Variants in STX5 observed in about 807,000 individuals in gnomAD.
STX5 encodes the protein syntaxin 5, also known as syntaxin-5.
In STX5, 15 loss-of-function variants were observed where a neutral mutation model predicts 42.9. The ratio of observed to expected loss-of-function variants is 0.35; its 90% CI spans 0.23 to 0.54. The LOEUF (loss-of-function observed/expected upper bound fraction) is 0.54, where lower values mean the gene tolerates loss of function less well. Among genes scored for constraint, STX5 ranks in the 20% least tolerant of loss-of-function variants. STX5 has a pLI of 0.91. For missense variants in STX5, 430 were observed against 455.0 expected, an observed-to-expected ratio of 0.95 and a Z score of 0.50; for synonymous variants, 184 against 173.2, an observed-to-expected ratio of 1.06 and a Z score of -0.49.
At chr11:62,822,139 G>A (rs1374699160) in intron 10 of STX5, among the ~76,000 whole-genome samples, 1 of 152,206 alleles carries the variant, frequency 6.6e-6, no homozygotes, top group Non-Finnish European at 1.5e-5. Context: ...AAGGTGGACA[G>A]GTTACTGGAG....
chr11:62,831,005 C>T lies in STX5; in HGVS notation c.225+14G>A. 2 of 1,548,418 alleles carry T rather than the reference C, an allele frequency of 1.3e-6. No homozygotes were observed. The highest frequency in any genetic ancestry group is 1.7e-6 in the Non-Finnish European group (2 of 1,145,706). ...TAAGGCTCACTCCTCGCCTTTTCCA[C>T]TCCAGGTCCTTACCTGACGGGTCTG... On this transcript the variant is annotated intron_variant, in intron 2 of 10. Coordinates refer to ENST00000294179, the MANE Select transcript of STX5 (RefSeq NM_003164.5).
chr11:62,811,372 GCTT>G (rs1030522340), intron 10 of STX5, among the ~76,000 whole-genome samples: 5 of 152,224 alleles, frequency 3.3e-5, no homozygotes, highest in Non-Finnish European at 7.4e-5. Context: ...CAATCCGCTT[GCTT>G]CTTCTTATGT....
chr11:62,818,245 C>A (rs1384193810), intron 10 of STX5, among the ~76,000 whole-genome samples: 1,188 of 74,292 alleles, frequency 0.016, no homozygotes, highest in African/African-American at 0.031. Context: ...AACTCCATCT[C>A]AAAAAAAAAA....
chr11:62,825,916 G>A (rs1328648991), intron 5 of STX5, among the ~76,000 whole-genome samples: 1 of 152,194 alleles, frequency 6.6e-6, no homozygotes, highest in Non-Finnish European at 1.5e-5. Flanking sequence ...TCAGGAAAAG[G>A]GAAGAGTCAA....
intron 5 of STX5, among the ~76,000 whole-genome samples, chr11:62,826,548 ACT>A (rs944890729): frequency 2.0e-5 from 3 of 151,038 alleles, no homozygotes; most frequent in Non-Finnish European, 4.4e-5. Context: ...CAAGAGTGAA[ACT>A]CTGTCTCAAA....
intron 10 of STX5, 133 bp from the exon 11 acceptor site, chr11:62,807,761 G>A (rs954328550): frequency 1.4e-6 from 2 of 1,444,902 alleles, no homozygotes; most frequent in Non-Finnish European, 9.2e-7. Context: ...GTATAGAAAA[G>A]GCTTTGGAAG....
At chr11:62,822,051 A>C (rs573154986) in intron 10 of STX5, among the ~76,000 whole-genome samples, 2 of 151,798 alleles carry the variant, frequency 1.3e-5, no homozygotes, top group Admixed American at 1.3e-4. Context: ...AAATAAATAC[A>C]TGCATAAATA....
chr11:62,831,240 T>C lies in STX5; in HGVS notation c.4A>G (p.Ile2Val). The stretch of plus-strand genomic sequence containing the variant: ...TTAGACCCGTAGCGTTTCCGCGGGA[T>C]CATTGAGACGCATAACCTCGGACTG... Reference protein sequence around the residue: MIPRKRYGSKNT... With the variant: MVPRKRYGSKNT... The change falls in exon 2 of 11, where the codon ATC (isoleucine) becomes GTC (valine). Residue 2 changes from isoleucine (I) to valine (V), a missense_variant. By Grantham distance (29) the Ile-to-Val change is conservative. Coordinates refer to ENST00000294179, the MANE Select transcript of STX5 (RefSeq NM_003164.5). 1 of 1,559,424 alleles carries C rather than the reference T, an allele frequency of 6.4e-7. No homozygotes were observed. The highest frequency in any genetic ancestry group is 1.2e-5 in the South Asian group (1 of 84,772).
At chr11:62,815,593 G>C (rs2084665109) in intron 10 of STX5, among the ~76,000 whole-genome samples, 1 of 150,732 alleles carries the variant, frequency 6.6e-6, no homozygotes, top group East Asian at 2.0e-4. Flanking sequence ...CTGGAGTGCA[G>C]TGGCACAATC....
intron 8 of STX5, 150 bp downstream of exon 8, chr11:62,824,886 T>C: frequency 1.4e-6 from 1 of 716,018 alleles, no homozygotes; most frequent in Non-Finnish European, 2.3e-6. Flanking sequence ...ATCACGAATC[T>C]CAACCATCTG....
intron 10 of STX5, chr11:62,823,907 A>G (rs1590972287): frequency 4.1e-6 from 2 of 488,600 alleles, no homozygotes; most frequent in East Asian, 7.8e-5. Context: ...CCATACACTT[A>G]CACATGCTAC....
chr11:62,827,176 C>T lies in STX5; in HGVS notation c.402G>A (p.Glu134=). Residue 134 remains glutamate, a synonymous_variant, in exon 5 of 11, where the codon GAG becomes GAA. Transcript: ENST00000294179. The stretch of plus-strand genomic sequence containing the variant: ...TCACCTGTTTGATGATATATGTTAG[C>T]TCTTCAATTTCCACTGCTTTATCAT... ...LFDDKAVEIE[E]LTYIIKQDIN... 3.7e-6 allele frequency: 6 copies of T among 1,614,176 alleles called. No individual in the cohort carries two copies. The highest frequency in any genetic ancestry group is 5.1e-6 in the Non-Finnish European group (6 of 1,180,036).
At chr11:62,821,741 A>G (rs1340053584) in intron 10 of STX5, among the ~76,000 whole-genome samples, 1 of 151,604 alleles carries the variant, frequency 6.6e-6, no homozygotes, top group Non-Finnish European at 1.5e-5. Flanking sequence ...TAAAAATAAA[A>G]TTAACACCGG....
At chr11:62,830,356 A>G in intron 2 of STX5, 1 of 339,940 alleles carries the variant, frequency 2.9e-6, no homozygotes, top group Non-Finnish European at 5.9e-6. Flanking sequence ...GTCCAGACCA[A>G]CCTGGGCAAC....
chr11:62,831,369 C>T (rs2084860664), intron 1 of STX5, 107 bp from the exon 2 acceptor site: 14 of 849,692 alleles, frequency 1.6e-5, no homozygotes, highest in Non-Finnish European at 2.7e-5. Flanking sequence ...TTCTCGTGGA[C>T]TTTCGCGCCC....
In STX5 at chr11:62,827,393, A is replaced by G. The variant is rs2084807965; in HGVS notation, c.302T>C (p.Ile101Thr). 3 of 1,614,090 alleles carry G rather than the reference A, an allele frequency of 1.9e-6. No individual in the cohort carries two copies. Among genetic ancestry groups the G allele is most frequent in the African/African-American group, 1.3e-5 (1 of 74,926 alleles). The change falls in exon 4 of 11, where the codon ATT (isoleucine) becomes ACT (threonine). Residue 101 changes from isoleucine to threonine, a missense_variant. Ile to Thr is a moderately conservative substitution (Grantham distance 89). Coordinates refer to ENST00000294179, the MANE Select transcript of STX5 (RefSeq NM_003164.5). ...RSEFTLMAKRIGKDLSNTFAK... is the reference protein window; with the variant it reads ...RSEFTLMAKRTGKDLSNTFAK... The stretch of plus-strand genomic sequence containing the variant: ...AAATGTGTTGCTAAGGTCTTTCCCA[A>G]TGCGCCTGCAAATGACCACTAGTCA...
In STX5 at chr11:62,809,655, C is replaced by T. The variant is rs553906585; in HGVS notation, c.909-2027G>A. ...CACCATTGCACTCCAGCCTGGGAAA[C>T]AGAGCAAGACTCTGTCTCAAAAAAA... is the stretch of plus-strand genomic sequence containing the variant. On this transcript the variant is annotated intron_variant, in intron 10 of 10. Transcript: ENST00000294179. 4.9e-5 allele frequency among the ~76,000 whole-genome samples: 4 copies of T among 81,120 alleles called. No homozygotes were observed. The South Asian group carries it at 1.3e-3, about 26-fold the overall frequency. 53.2% of individuals were successfully genotyped at this position (81,120 alleles called of 152,430 possible).
At chr11:62,825,600 T>C in intron 5 of STX5, 61 bp from the exon 6 acceptor site, 1 of 1,432,396 alleles carries the variant, frequency 7.0e-7, no homozygotes, top group Admixed American at 1.7e-5. Context: ...TCAGCATCTC[T>C]CACGATGGCC....
At chr11:62,824,727 GGATAAT>G (rs1191552881) in intron 8 of STX5, among the ~76,000 whole-genome samples, 162 bp from the exon 9 acceptor site, 2 of 151,746 alleles carry the variant, frequency 1.3e-5, no homozygotes, top group Non-Finnish European at 2.9e-5. Context: ...GTAAAATGGG[GGATAAT>G]AATAGTTGCT....
Sources: gnomAD v4.1 joint callset for allele counts (sites outside exome capture counted in the v4.1 genomes callset) on GRCh38, gnomAD v4.1.1 for gene constraint, MANE v1.5 for transcripts, NCBI Gene and HGNC (gene_info 2026-07-23, HGNC 2026-07-21) for gene names.